The following PPP2R1B variants were observed in gnomAD, a reference collection of about 807,000 sequenced individuals.
PPP2R1B encodes the protein protein phosphatase 2 scaffold subunit Abeta.
In PPP2R1B, 58 loss-of-function variants were observed where a neutral mutation model predicts 72.7. The observed-to-expected ratio is 0.80, with a 90% CI of 0.65 to 0.99. The LOEUF (loss-of-function observed/expected upper bound fraction) is 0.99. PPP2R1B is among the 50% of genes least tolerant of loss of function. The pLI, the probability that PPP2R1B is intolerant of heterozygous loss-of-function variation, is 0.00. For missense variants in PPP2R1B, 695 were observed against 733.6 expected (o/e 0.95, Z 0.61); for synonymous variants, 256 against 264.6 (o/e 0.97, Z 0.32).
intron 15 of PPP2R1B, among the ~76,000 whole-genome samples, chr11:111,732,532 A>T (rs1944226637): frequency 6.6e-6 from 1 of 152,104 alleles, no homozygotes; most frequent in Non-Finnish European, 1.5e-5. Flanking sequence ...CTCCACTAAA[A>T]ATACAAAAAT....
chr11:111,712,114 A>G, the PPP2R1B span: 1 of 1,230,518 alleles, frequency 8.1e-7, no homozygotes, highest in East Asian at 2.3e-5. Context: ...TTCATTCTTT[A>G]ATTGCCACAG....
chr11:111,721,579 T>G, the PPP2R1B span, among the ~76,000 whole-genome samples: 1 of 152,240 alleles, frequency 6.6e-6, no homozygotes, highest in Admixed American at 6.5e-5. Flanking sequence ...ATGAAGGCCA[T>G]AGCCTCCTGG....
downstream of PPP2R1B, among the ~76,000 whole-genome samples, chr11:111,734,251 T>A (rs1343325250): frequency 6.6e-6 from 1 of 152,236 alleles, no homozygotes; most frequent in Non-Finnish European, 1.5e-5. Context: ...GTGAGCTCTG[T>A]CTTCACTGAC....
the PPP2R1B span, among the ~76,000 whole-genome samples, chr11:111,703,021 G>A: frequency 6.6e-6 from 1 of 152,116 alleles, no homozygotes; most frequent in Non-Finnish European, 1.5e-5. Flanking sequence ...TTAGGTATTT[G>A]TTCACCATGT....
At chr11:111,693,100 A>G in the PPP2R1B span, among the ~76,000 whole-genome samples, 9 of 152,160 alleles carry the variant, frequency 5.9e-5, no homozygotes, top group African/African-American at 1.9e-4. Context: ...TTGAGGGGCC[A>G]AGGTGGGCGG....
At chr11:111,764,745 A>T in intron 3 of PPP2R1B, 60 bp downstream of exon 3, 1 of 1,535,680 alleles carries the variant, frequency 6.5e-7, no homozygotes, top group South Asian at 1.1e-5. Flanking sequence ...ATCACCAAAC[A>T]ATGTATCATT....
At chr11:111,695,516 C>A in the PPP2R1B span, among the ~76,000 whole-genome samples, 883 of 152,278 alleles carry the variant, frequency 5.8e-3, 15 homozygotes, top group Non-Finnish European at 7.0e-3. Flanking sequence ...TCTTTTGCAA[C>A]AGTAAACATT....
Position 111,739,839 on chromosome 11 carries a change from T to G in PPP2R1B, c.*1757A>C. On this transcript the variant is annotated 3_prime_UTR_variant, in exon 15 of 15. Transcript: ENST00000527614. ...TTAAAATGAGAATATAGAAAAAGAT[T>G]TGTGCTTAGGAAAATACTTAATTCT... 1 of 974,174 alleles carries G rather than the reference T, an allele frequency of 1.0e-6. No individual in the cohort carries two copies. The highest frequency in any genetic ancestry group is 1.2e-6 in the Non-Finnish European group (1 of 819,750). 60.3% of individuals were successfully genotyped at this position (974,174 alleles called of 1,614,324 possible).
downstream of PPP2R1B, chr11:111,723,959 G>A: frequency 6.2e-7 from 1 of 1,614,106 alleles, no homozygotes; most frequent in South Asian, 1.1e-5. Context: ...TCCTGTGGAT[G>A]GAGCCCAGCA....
chr11:111,721,142 A>G, the PPP2R1B span: 1 of 1,488,342 alleles, frequency 6.7e-7, no homozygotes, highest in African/African-American at 1.4e-5. Context: ...ATTTTCACTT[A>G]GAGGATTTCC....
chr11:111,765,538 C>T (rs1164034922), intron 1 of PPP2R1B, among the ~76,000 whole-genome samples, 154 bp from the exon 2 acceptor site: 1 of 152,168 alleles, frequency 6.6e-6, no homozygotes, highest in East Asian at 1.9e-4. Flanking sequence ...CTCATAAGGA[C>T]TTCCAAAAAG....
In PPP2R1B at chr11:111,753,584, T is replaced by C; in HGVS notation, c.1030-7A>G. On this transcript the variant is annotated splice_polypyrimidine_tract_variant and splice_region_variant and intron_variant, in intron 8 of 14. Coordinates refer to ENST00000527614, the MANE Select transcript of PPP2R1B (RefSeq NM_002716.5). ...TGGTATCGGATACTAATTCCTAAAATAAAATCGAAATTAAAAGCCTTTATT... is the reference window on the plus strand; with the variant it reads ...TGGTATCGGATACTAATTCCTAAAACAAAATCGAAATTAAAAGCCTTTATT... 6.3e-7 allele frequency: 1 copy of C among 1,595,608 alleles called. No individual in the cohort carries two copies. The highest frequency in any genetic ancestry group is 8.5e-7 in the Non-Finnish European group (1 of 1,173,700).
At chr11:111,689,105 CAG>C in the PPP2R1B span, among the ~76,000 whole-genome samples, 1 of 151,976 alleles carries the variant, frequency 6.6e-6, no homozygotes, top group African/African-American at 2.4e-5. Flanking sequence ...GGCAGGTAGA[CAG>C]AGATTGGAAT....
chr11:111,741,107 C>T lies in PPP2R1B; in HGVS notation c.*489G>A, dbSNP rs1944502015. 1 of 987,672 alleles carries T rather than the reference C, an allele frequency of 1.0e-6. No individual in the cohort carries two copies. Among genetic ancestry groups the T allele is most frequent in the Admixed American group, 6.0e-5 (1 of 16,640 alleles). The allele number at this position is 987,672 out of a possible 1,614,324, so 61.2% of individuals were successfully genotyped here. A position where few individuals can be genotyped will look rare whatever the true frequency, so the allele number is the denominator to read the frequency against. On this transcript the variant is annotated 3_prime_UTR_variant, in exon 15 of 15. Coordinates refer to ENST00000527614, the MANE Select transcript of PPP2R1B (RefSeq NM_002716.5). Reference sequence around the variant, plus strand: ...TCATAATTCAGGAAAATGTGGCTTTCATTACGGTCAAATCTCAACATGTCT... The same window carrying T: ...TCATAATTCAGGAAAATGTGGCTTTTATTACGGTCAAATCTCAACATGTCT...
At chr11:111,753,603 C>T in intron 8 of PPP2R1B, 26 bp from the exon 9 acceptor site, 2 of 1,587,384 alleles carry the variant, frequency 1.3e-6, no homozygotes. Context: ...AATTAAAAGC[C>T]TTTATTACAA....
chr11:111,692,387 A>AAAAAAAAAC, the PPP2R1B span, among the ~76,000 whole-genome samples: 8 of 113,486 alleles, frequency 7.0e-5, no homozygotes, highest in Admixed American at 6.8e-4. Flanking sequence ...AAAAAAAAAA[A>AAAAAAAAAC]ACACAAAAAG....
intron 1 of PPP2R1B, chr11:111,766,019 G>A (rs921284430): frequency 2.2e-5 from 13 of 589,566 alleles, no homozygotes; most frequent in Non-Finnish European, 3.7e-5. Flanking sequence ...GCAAGGCTCC[G>A]GGCGGACGCC....
At chr11:111,723,119 A>C (rs1325317353), downstream of PPP2R1B, among the ~76,000 whole-genome samples, 1 of 152,170 alleles carries the variant, frequency 6.6e-6, no homozygotes, top group Non-Finnish European at 1.5e-5. Flanking sequence ...TCGCTAGTAG[A>C]AGCAGCTTGG....
At chr11:111,712,352 G>A in the PPP2R1B span, 1 of 1,614,164 alleles carries the variant, frequency 6.2e-7, no homozygotes. Context: ...ATTCATGGAA[G>A]AAGAGTGTGT....
Sources: gnomAD v4.1 joint callset for allele counts (sites outside exome capture counted in the v4.1 genomes callset) on GRCh38, gnomAD v4.1.1 for gene constraint, MANE v1.5 for transcripts, NCBI Gene and HGNC (gene_info 2026-07-23, HGNC 2026-07-21) for gene names.